CACNG7: variants seen among roughly 807,000 people sequenced by gnomAD.
CACNG7 encodes calcium voltage-gated channel auxiliary subunit gamma 7, also known as voltage-dependent calcium channel gamma-7 subunit.
In CACNG7, 9 loss-of-function variants were observed where a neutral mutation model predicts 26.3. That is an observed-to-expected ratio of 0.34 (90% CI 0.21 to 0.60). CACNG7 has a LOEUF of 0.60. CACNG7 is among the 20% of genes least tolerant of loss of function. CACNG7 has a pLI of 0.81. For missense variants in CACNG7, 297 were observed against 380.4 expected (o/e 0.78, Z 1.82); for synonymous variants, 170 against 157.0 (o/e 1.08, Z -0.62).
chr19:53,916,940 G>A (rs1374550660), intron 4 of CACNG7, among the ~76,000 whole-genome samples: 1 of 152,082 alleles, frequency 6.6e-6, no homozygotes, highest in Non-Finnish European at 1.5e-5. Context: ...TGGGATTACA[G>A]GTGTGTGCCA....
At chr19:53,924,160 A>T (rs1201656403) in intron 4 of CACNG7, among the ~76,000 whole-genome samples, 3 of 137,446 alleles carry the variant, frequency 2.2e-5, no homozygotes, top group Non-Finnish European at 4.6e-5. Context: ...AGGTCTGGTC[A>T]TTGGTGGAGT....
chr19:53,925,232 A>C (rs1055802335), intron 4 of CACNG7, among the ~76,000 whole-genome samples: 1 of 129,922 alleles, frequency 7.7e-6, no homozygotes, highest in Admixed American at 8.0e-5. Flanking sequence ...TCATTGGCGG[A>C]CTTGCCCCAG....
intron 3 of CACNG7, among the ~76,000 whole-genome samples, chr19:53,915,091 G>C (rs192440487): frequency 6.6e-6 from 1 of 151,920 alleles, no homozygotes; most frequent in Non-Finnish European, 1.5e-5. Context: ...CAAGGTTGAA[G>C]GGGTGAGGTC....
intron 4 of CACNG7, among the ~76,000 whole-genome samples, chr19:53,931,801 G>A (rs1434965738): frequency 1.6e-5 from 2 of 122,204 alleles, no homozygotes; most frequent in Non-Finnish European, 3.2e-5. Flanking sequence ...TGGCTCTGTC[G>A]CCCAGGTTGG....
intron 4 of CACNG7, among the ~76,000 whole-genome samples, chr19:53,924,604 G>GC (rs1459818912): frequency 1.4e-5 from 2 of 138,384 alleles, no homozygotes; most frequent in Non-Finnish European, 3.1e-5. Flanking sequence ...TGGTGGAGTT[G>GC]CCCAGGCTGG....
In CACNG7 at chr19:53,912,770, A is replaced by C; in HGVS notation, c.-29-33A>C. 6.4e-7 allele frequency: 1 copy of C among 1,572,618 alleles called. No homozygotes were observed. Among genetic ancestry groups the C allele is most frequent in the Non-Finnish European group, 8.7e-7 (1 of 1,153,026 alleles). ...GGGGTCAAGCACTCTGGTCGGTCCC[A>C]TGGAGCTCTGCACTGTAGCTTCCCT... On this transcript the variant is annotated intron_variant, in intron 1 of 5. Transcript: ENST00000391767. The surrounding 1 kb of genome is among the most constrained non-coding windows in gnomAD (Gnocchi z 4.6).
intron 4 of CACNG7, among the ~76,000 whole-genome samples, chr19:53,928,840 G>A (rs1405978932): frequency 6.6e-6 from 1 of 152,092 alleles, no homozygotes; most frequent in Non-Finnish European, 1.5e-5. Flanking sequence ...GCCGGGCACG[G>A]TAGCTCACGC....
In CACNG7 at chr19:53,912,732, C is replaced by G. The variant is rs932324033; in HGVS notation, c.-29-71C>G. 2 of 1,230,518 alleles carry G rather than the reference C, an allele frequency of 1.6e-6. No homozygotes were observed. Among genetic ancestry groups the G allele is most frequent in the African/African-American group, 1.5e-5 (1 of 66,740 alleles). The allele number at this position is 1,230,518 out of a possible 1,614,324, so 76.2% of individuals were successfully genotyped here. ...TGTCTCTGGCTAGGGCCCAGCATCCCGGGTTGCTGCATGGGGTCAAGCACT... is the reference window on the plus strand; with the variant it reads ...TGTCTCTGGCTAGGGCCCAGCATCCGGGGTTGCTGCATGGGGTCAAGCACT... On this transcript the variant is annotated intron_variant, in intron 1 of 5. Transcript: ENST00000391767. The surrounding 1 kb of genome is among the most constrained non-coding windows in gnomAD (Gnocchi z 4.6).
In CACNG7 at chr19:53,939,316, A is replaced by G. The variant is rs773111829; in HGVS notation, c.425-2154A>G. On this transcript the variant is annotated intron_variant, in intron 4 of 5. Coordinates refer to ENST00000391767, the MANE Select transcript of CACNG7 (RefSeq NM_031896.5). This position sits in a 1 kb window ranked among gnomAD's most constrained non-coding sequence, Gnocchi z 4.2. ...ATGTAATTCACATACTATAAATTTC[A>G]TATAATTCAGTGATGTTTCAGTACA... Among the ~76,000 whole-genome samples the G allele has an allele frequency of 2.6e-5, 4 of 152,186 alleles. No individual in the cohort carries two copies. Among genetic ancestry groups the G allele is most frequent in the Non-Finnish European group, 5.9e-5 (4 of 68,034 alleles).
intron 4 of CACNG7, among the ~76,000 whole-genome samples, chr19:53,919,973 A>G: frequency 9.4e-6 from 1 of 106,040 alleles, no homozygotes. Context: ...TCATTGGTGG[A>G]GTTGTCCCCA....
chr19:53,941,988 G>T, intron 5 of CACNG7, 48 bp from the exon 6 acceptor site: 1 of 1,523,682 alleles, frequency 6.6e-7, no homozygotes, highest in South Asian at 1.3e-5. Flanking sequence ...CGGGGTCCGG[G>T]GATGCGCAGG....
At chr19:53,927,054 G>T (rs1028686417) in intron 4 of CACNG7, among the ~76,000 whole-genome samples, 6 of 152,048 alleles carry the variant, frequency 3.9e-5, no homozygotes, top group Non-Finnish European at 8.8e-5. Flanking sequence ...CATGTAGCTG[G>T]GATTACAGGC....
chr19:53,941,451 A>T lies in CACNG7; in HGVS notation c.425-19A>T. ...GGGCCCACTTCTAATGGACGAGGGC[A>T]CCCCCTCTGCTCCCCTAGGCCTCTC... is the stretch of plus-strand genomic sequence containing the variant. On this transcript the variant is annotated intron_variant, in intron 4 of 5. Transcript: ENST00000391767. The T allele has an allele frequency of 1.6e-5, 24 of 1,513,716 alleles. No homozygotes were observed. The highest frequency in any genetic ancestry group is 2.1e-5 in the Non-Finnish European group (24 of 1,137,148). The allele number at this position is 1,513,716 out of a possible 1,614,324, so 93.8% of individuals were successfully genotyped here. A position where few individuals can be genotyped will look rare whatever the true frequency, so the allele number is the denominator to read the frequency against.
At chr19:53,941,113 C>G (rs2069134779) in intron 4 of CACNG7, among the ~76,000 whole-genome samples, 1 of 152,040 alleles carries the variant, frequency 6.6e-6, no homozygotes, top group African/African-American at 2.4e-5. Flanking sequence ...AGAAATCTTT[C>G]CTTCATTTCT....
At chr19:53,936,649 C>T (rs1382334987) in intron 4 of CACNG7, among the ~76,000 whole-genome samples, 5 of 152,196 alleles carry the variant, frequency 3.3e-5, no homozygotes, top group African/African-American at 4.8e-5. Flanking sequence ...CACTCTGTCG[C>T]CCAGGCTGGA....
At chr19:53,921,445 G>GT (rs1167548121) in intron 4 of CACNG7, among the ~76,000 whole-genome samples, 3 of 148,810 alleles carry the variant, frequency 2.0e-5, no homozygotes, top group African/African-American at 7.6e-5. Flanking sequence ...TGGTGGAGTT[G>GT]CCCCAGGTCT....
intron 4 of CACNG7, among the ~76,000 whole-genome samples, chr19:53,932,190 G>A (rs1321632134): frequency 6.7e-6 from 1 of 149,396 alleles, no homozygotes; most frequent in African/African-American, 2.5e-5. Context: ...GGAGATGGAG[G>A]CTGCAGTGAG....
chr19:53,918,491 G>T (rs1195757423), intron 4 of CACNG7, among the ~76,000 whole-genome samples: 2 of 152,070 alleles, frequency 1.3e-5, no homozygotes, highest in East Asian at 3.8e-4. Flanking sequence ...ATCAAAAGAA[G>T]AATAATAGGT....
At chr19:53,916,487 C>CTTTTTTTT (rs397706471) in intron 4 of CACNG7, among the ~76,000 whole-genome samples, 10 of 95,458 alleles carry the variant, frequency 1.0e-4, no homozygotes, top group South Asian at 3.5e-4. Flanking sequence ...TTCTTTCTTT[C>CTTTTTTTT]TTTTTTTTTT....
Sources: allele counts gnomAD v4.1 joint callset (sites outside exome capture counted in the v4.1 genomes callset), GRCh38; gene constraint gnomAD v4.1.1; non-coding constraint Gnocchi (gnomAD v3.1); transcripts MANE v1.5; gene names NCBI Gene and HGNC (gene_info 2026-07-23, HGNC 2026-07-21).